LRRC49: variants seen among roughly 807,000 people sequenced by gnomAD.
LRRC49 encodes leucine rich repeat containing 49.
A neutral mutation model predicts 83.3 loss-of-function variants in LRRC49; 50 were observed. The observed-to-expected ratio is 0.60, with a 90% CI of 0.48 to 0.76. LRRC49 has a LOEUF of 0.76. Among genes scored for constraint, LRRC49 ranks in the 30% least tolerant of loss-of-function variants. The pLI is 0.00. For synonymous variants in LRRC49, 286 were observed against 283.3 expected, an observed-to-expected ratio of 1.01 and a Z score of -0.10; for missense variants, 704 against 809.1, an observed-to-expected ratio of 0.87 and a Z score of 1.58.
rs909316019 is a variant in LRRC49, at chr15:71,052,073, C to T, written c.*2461C>T. 1.3e-5 allele frequency: 2 copies of T among 152,160 alleles called. No homozygotes were observed. The highest frequency in any genetic ancestry group is 4.8e-5 in the African/African-American group (2 of 41,418). 9.4% of individuals were successfully genotyped at this position (152,160 alleles called of 1,614,324 possible). On this transcript the variant is annotated 3_prime_UTR_variant, in exon 16 of 16. Transcript: ENST00000260382. ...TCTGAAGTTCCTTGGTGAAGATAATCCCCAGATAAAAAGACAAGGAGACCT... is the reference window on the plus strand; with the variant it reads ...TCTGAAGTTCCTTGGTGAAGATAATTCCCAGATAAAAAGACAAGGAGACCT...
Position 71,049,615 on chromosome 15 carries a change from A to G in LRRC49, c.*3A>G. ...AGCAGATAACAGACCAAAAATAAAA[A>G]TGGCCTTTAGTTACAGTTGATTTTG... On this transcript the variant is annotated 3_prime_UTR_variant, in exon 16 of 16. Coordinates refer to ENST00000260382, the MANE Select transcript of LRRC49 (RefSeq NM_017691.5). 1.3e-6 allele frequency: 2 copies of G among 1,597,556 alleles called. No homozygotes were observed. The highest frequency in any genetic ancestry group is 1.7e-6 in the Non-Finnish European group (2 of 1,174,012).
intron 6 of LRRC49, chr15:70,918,173 C>T (rs2034861327): frequency 1.3e-5 from 2 of 152,472 alleles, no homozygotes; most frequent in African/African-American, 4.8e-5. Flanking sequence ...GCATGTCTGA[C>T]TGTGCACAGT....
intron 1 of LRRC49, among the ~76,000 whole-genome samples, chr15:70,867,119 C>T (rs986284780): frequency 6.6e-6 from 1 of 151,518 alleles, no homozygotes; most frequent in African/African-American, 2.4e-5. Flanking sequence ...TCAATGCCTG[C>T]TCTCTCATTC....
At chr15:70,996,959 TTA>T (rs2038094292) in intron 11 of LRRC49, among the ~76,000 whole-genome samples, 1 of 152,230 alleles carries the variant, frequency 6.6e-6, no homozygotes, top group South Asian at 2.1e-4. Context: ...GAGACTTGCT[TTA>T]TGGCTGAACA....
At chr15:71,043,031 C>T (rs895967304) in intron 15 of LRRC49, among the ~76,000 whole-genome samples, 4 of 152,118 alleles carry the variant, frequency 2.6e-5, no homozygotes, top group African/African-American at 9.7e-5. Context: ...GCTGTCTGAA[C>T]GTTTTACTCA....
At chr15:70,883,414 G>A (rs2033319430) in intron 2 of LRRC49, among the ~76,000 whole-genome samples, 2 of 151,814 alleles carry the variant, frequency 1.3e-5, no homozygotes, top group African/African-American at 2.4e-5. Context: ...GGCTGGTCTC[G>A]AACTCCTAAC....
chr15:70,961,994 G>C (rs1240580735), intron 8 of LRRC49, among the ~76,000 whole-genome samples: 1 of 152,144 alleles, frequency 6.6e-6, no homozygotes, highest in Admixed American at 6.5e-5. Context: ...CTAAGGGGGT[G>C]GGGGAAAAGG....
At chr15:70,891,801 G>C (rs80190745), upstream of LRRC49, 8,448 of 1,468,610 alleles carry the variant, frequency 5.8e-3, 368 homozygotes, top group African/African-American at 0.1. Context: ...AGCCCAGCCA[G>C]AGTCCAGGGG....
chr15:70,953,768 G>A (rs796702556), intron 8 of LRRC49, among the ~76,000 whole-genome samples: 11 of 151,730 alleles, frequency 7.2e-5, no homozygotes, highest in African/African-American at 2.7e-4. Flanking sequence ...TTACAGGTTT[G>A]GTCTCTATGT....
chr15:70,868,834 T>G (rs758088081), intron 1 of LRRC49, among the ~76,000 whole-genome samples: 17 of 152,230 alleles, frequency 1.1e-4, no homozygotes, highest in Non-Finnish European at 2.4e-4. Flanking sequence ...GATGAGATAA[T>G]CCCATCTAAT....
chr15:70,880,453 T>A (rs992937951), intron 2 of LRRC49, among the ~76,000 whole-genome samples: 6 of 152,190 alleles, frequency 3.9e-5, no homozygotes, highest in Admixed American at 6.5e-5. Flanking sequence ...TATGAATAAA[T>A]AAATTGAATA....
At position 70,882,309 on chromosome 15, in the gene LRRC49, A is replaced by G. The variant is rs185958880; in HGVS notation, c.18+9086A>G. On this transcript the variant is annotated intron_variant, in intron 2 of 16. Transcript: ENST00000544974. ...TCTTCATTGTGTTGGCAAGCAAGCA[A>G]ACTTTTGCCTTAGAGCTAAACAAAT... 184 of 665,206 alleles carry G rather than the reference A, an allele frequency of 2.8e-4. No individual in the cohort carries two copies. The East Asian group carries it at 3.5e-3, about 13-fold the overall frequency. The allele number at this position is 665,206 out of a possible 1,614,324, so 41.2% of individuals were successfully genotyped here.
chr15:70,986,939 A>G (rs1347264727), intron 11 of LRRC49, among the ~76,000 whole-genome samples: 1 of 152,168 alleles, frequency 6.6e-6, no homozygotes, highest in Admixed American at 6.5e-5. Flanking sequence ...GATTACATTT[A>G]TTGATTTGCG....
intron 6 of LRRC49, among the ~76,000 whole-genome samples, chr15:70,917,715 G>C (rs563191447): frequency 2.8e-4 from 43 of 152,298 alleles, no homozygotes; most frequent in African/African-American, 9.9e-4. Context: ...GTGGAAAGGA[G>C]CTGCTCCCTG....
At chr15:70,913,367 A>C (rs1258486582) in intron 6 of LRRC49, among the ~76,000 whole-genome samples, 1 of 152,120 alleles carries the variant, frequency 6.6e-6, no homozygotes, top group Non-Finnish European at 1.5e-5. Context: ...GTTCAGCCTG[A>C]TGTGTTTGTC....
intron 1 of LRRC49, among the ~76,000 whole-genome samples, chr15:70,863,044 T>C (rs2032830125): frequency 6.6e-6 from 1 of 152,188 alleles, no homozygotes; most frequent in African/African-American, 2.4e-5. Context: ...TCAGACTTGG[T>C]GCAACTAGAG....
chr15:70,942,939 G>C (rs1242556595), intron 8 of LRRC49, among the ~76,000 whole-genome samples: 1 of 152,118 alleles, frequency 6.6e-6, no homozygotes, highest in Non-Finnish European at 1.5e-5. Flanking sequence ...ATAAATAGCT[G>C]TTTTAAAGTT....
chr15:70,977,438 C>T (rs982054786), intron 9 of LRRC49, among the ~76,000 whole-genome samples: 3 of 151,976 alleles, frequency 2.0e-5, no homozygotes, highest in African/African-American at 7.2e-5. Flanking sequence ...TGAGGCTAGG[C>T]GTTTGAGACC....
In LRRC49 at chr15:71,009,890, A is replaced by C. The variant is rs552800146; in HGVS notation, c.1491A>C (p.Thr497=). The C allele has an allele frequency of 1.2e-5, 20 of 1,612,472 alleles. No homozygotes were observed. In the South Asian group the frequency reaches 2.2e-4, roughly 18 times the overall value. ...LAQLRRIDQL[T]IDPQGNPVVN... is the part of the protein sequence containing the mutation. ...AACTCCGTCGTATTGACCAGTTGAC[A>C]ATTGATCCTCAAGGAAATCCAGTTG... The change falls in exon 13 of 16, where the codon ACA becomes ACC. Residue 497 remains threonine, a synonymous_variant. Coordinates refer to ENST00000260382, the MANE Select transcript of LRRC49 (RefSeq NM_017691.5).
Sources: gnomAD v4.1 joint callset for allele counts (sites outside exome capture counted in the v4.1 genomes callset) on GRCh38, gnomAD v4.1.1 for gene constraint, MANE v1.5 for transcripts, NCBI Gene and HGNC (gene_info 2026-07-23, HGNC 2026-07-21) for gene names.